TAFA5: variants seen among roughly 807,000 people sequenced by gnomAD.
TAFA5 encodes the protein TAFA chemokine like family member 5, also known as chemokine-like protein TAFA-5.
A neutral mutation model predicts 15.3 loss-of-function variants in TAFA5; 6 were observed. That is an observed-to-expected ratio of 0.39 (90% confidence interval 0.21 to 0.77). TAFA5 has a LOEUF of 0.77. TAFA5 is among the 30% of genes least tolerant of loss of function. The probability of loss-of-function intolerance (pLI) is 0.41; values close to 1 mark genes in which losing one functional copy is unlikely to be tolerated. For missense variants in TAFA5, 161 were observed against 193.1 expected (o/e 0.83, Z 0.98); for synonymous variants, 103 against 80.7 (o/e 1.28, Z -1.48).
At chr22:48,545,391 G>A (rs1922627284) in intron 1 of TAFA5, 1 of 195,390 alleles carries the variant, frequency 5.1e-6, no homozygotes, top group South Asian at 1.1e-4. Flanking sequence ...ACCTGAGTGA[G>A]ACACCCATGA....
Position 48,567,578 on chromosome 22 carries a change from G to A in TAFA5, c.112+77874G>A, listed in dbSNP as rs370542763. Among the ~76,000 whole-genome samples the A allele has an allele frequency of 3.4e-4, 52 of 152,310 alleles. No homozygotes were observed. In the East Asian group the frequency reaches 3.5e-3, roughly 10 times the overall value. ...GGCATGGCTGGCAGGGCTGGCCAGCGTGGGCAGGTGGCCTGAGGAGAGGGG... is the reference window on the plus strand; with the variant it reads ...GGCATGGCTGGCAGGGCTGGCCAGCATGGGCAGGTGGCCTGAGGAGAGGGG... On this transcript the variant is annotated intron_variant, in intron 1 of 3. Coordinates refer to ENST00000402357, the MANE Select transcript of TAFA5 (RefSeq NM_001082967.3).
chr22:48,523,302 C>T (rs752657325), intron 1 of TAFA5, among the ~76,000 whole-genome samples: 5 of 152,218 alleles, frequency 3.3e-5, no homozygotes, highest in Non-Finnish European at 7.3e-5. Flanking sequence ...TCCACCAGGG[C>T]CAGTTCCACT....
At chr22:48,553,156 C>T (rs1922915499) in intron 1 of TAFA5, among the ~76,000 whole-genome samples, 1 of 152,184 alleles carries the variant, frequency 6.6e-6, no homozygotes, top group South Asian at 2.1e-4. Context: ...TCCCAGCTTC[C>T]CTCAGATGCC....
chr22:48,688,573 G>A (rs1250342685), intron 2 of TAFA5, among the ~76,000 whole-genome samples: 1 of 152,202 alleles, frequency 6.6e-6, no homozygotes, highest in Non-Finnish European at 1.5e-5. Context: ...CCCCCTGGCT[G>A]CTCGGGGGAC....
chr22:48,551,366 C>T (rs556766497), intron 1 of TAFA5, among the ~76,000 whole-genome samples: 6 of 152,274 alleles, frequency 3.9e-5, no homozygotes, highest in East Asian at 3.9e-4. Flanking sequence ...GTGCCAGCCC[C>T]GTCTAGCCCC....
At chr22:48,714,188 A>G (rs2147256077) in intron 3 of TAFA5, among the ~76,000 whole-genome samples, 1 of 152,354 alleles carries the variant, frequency 6.6e-6, no homozygotes, top group South Asian at 2.1e-4. Context: ...TCCCAGTTAA[A>G]GAGGACGAGA....
intron 3 of TAFA5, among the ~76,000 whole-genome samples, chr22:48,745,033 G>C (rs1319919554): frequency 1.3e-5 from 2 of 152,214 alleles, no homozygotes; most frequent in Non-Finnish European, 2.9e-5. Flanking sequence ...TGGGATTACG[G>C]GCGTGAGCCA....
intron 3 of TAFA5, among the ~76,000 whole-genome samples, chr22:48,737,158 G>A (rs772036304): frequency 5.3e-5 from 8 of 152,054 alleles, no homozygotes; most frequent in South Asian, 2.1e-4. Flanking sequence ...ACTCTGCCCC[G>A]TGTCGAGCTC....
intron 1 of TAFA5, among the ~76,000 whole-genome samples, chr22:48,588,661 G>A (rs965290779): frequency 2.6e-5 from 4 of 152,160 alleles, no homozygotes; most frequent in African/African-American, 9.7e-5. Flanking sequence ...GGGGATGGGG[G>A]CACGATTCGG....
intron 1 of TAFA5, among the ~76,000 whole-genome samples, chr22:48,635,307 AGGGGCCTG>A (rs1330143331): frequency 6.6e-6 from 1 of 152,052 alleles, no homozygotes; most frequent in Non-Finnish European, 1.5e-5. Flanking sequence ...AGCAGAGGCC[AGGGGCCTG>A]GGGGCAGGCA....
At chr22:48,678,037 TC>T (rs1294480395) in intron 2 of TAFA5, among the ~76,000 whole-genome samples, 1 of 151,970 alleles carries the variant, frequency 6.6e-6, no homozygotes, top group Non-Finnish European at 1.5e-5. Context: ...GGGCTCCCTA[TC>T]CCCGCCCCCG....
intron 1 of TAFA5, among the ~76,000 whole-genome samples, chr22:48,617,546 C>A (rs1201301402): frequency 6.6e-6 from 1 of 152,258 alleles, no homozygotes; most frequent in Non-Finnish European, 1.5e-5. Flanking sequence ...CCGGAAGCGC[C>A]TCTCGCAGAA....
chr22:48,576,122 C>A (rs1280521507), intron 1 of TAFA5, among the ~76,000 whole-genome samples: 1 of 126,060 alleles, frequency 7.9e-6, no homozygotes, highest in Non-Finnish European at 1.6e-5. Flanking sequence ...GCTCCGGGGG[C>A]GGCGGCGGGG....
intron 2 of TAFA5, among the ~76,000 whole-genome samples, chr22:48,669,910 G>T (rs966041511): frequency 6.6e-6 from 1 of 152,210 alleles, no homozygotes; most frequent in Non-Finnish European, 1.5e-5. Context: ...GCTGCCTCCC[G>T]CCTGAGCTGG....
intron 1 of TAFA5, among the ~76,000 whole-genome samples, chr22:48,618,682 C>T (rs1191365760): frequency 1.3e-5 from 2 of 152,200 alleles, no homozygotes; most frequent in Non-Finnish European, 2.9e-5. Context: ...CACAGCGGGC[C>T]CTTGCTGCTC....
intron 1 of TAFA5, among the ~76,000 whole-genome samples, chr22:48,494,257 A>G (rs1053984292): frequency 2.6e-5 from 4 of 152,218 alleles, no homozygotes; most frequent in Admixed American, 1.3e-4. Context: ...AAAACATTAA[A>G]ATCCCCATTT....
chr22:48,562,198 C>T (rs970343001), intron 1 of TAFA5, among the ~76,000 whole-genome samples: 3 of 152,058 alleles, frequency 2.0e-5, no homozygotes, highest in Admixed American at 6.6e-5. Flanking sequence ...AGTGCAGTGG[C>T]GCCATCTCAG....
At chr22:48,616,819 C>T (rs762070718) in intron 1 of TAFA5, among the ~76,000 whole-genome samples, 3 of 152,202 alleles carry the variant, frequency 2.0e-5, no homozygotes, top group Non-Finnish European at 4.4e-5. Flanking sequence ...TCGGCAGACA[C>T]CCAGCTGCTT....
In TAFA5 at chr22:48,725,302, AT is replaced by A. The variant is rs113463975; in HGVS notation, c.390+17468del. ...TTGACCTCTGCCGGTTTAAAAGGGC[AT>A]TTTTTTTTTAAGCCTCAAAGTCAAA... On this transcript the variant is annotated intron_variant, in intron 3 of 3. Coordinates refer to ENST00000402357, the MANE Select transcript of TAFA5 (RefSeq NM_001082967.3). 6.3e-4 allele frequency among the ~76,000 whole-genome samples: 95 copies of A among 150,210 alleles called. 1 individual carries two copies. Among genetic ancestry groups the A allele is most frequent in the Admixed American group, 2.7e-3 (40 of 15,090 alleles).
Sources: allele counts gnomAD v4.1 joint callset (sites outside exome capture counted in the v4.1 genomes callset), GRCh38; gene constraint gnomAD v4.1.1; transcripts MANE v1.5; gene names NCBI Gene and HGNC (gene_info 2026-07-23, HGNC 2026-07-21).